Variants in MTOR observed in about 807,000 individuals in gnomAD.
The protein encoded by MTOR is mechanistic target of rapamycin kinase, also known as serine/threonine-protein kinase mTOR.
MTOR carries 70 observed loss-of-function variants against 319.8 expected under a neutral mutation model. The ratio of observed to expected loss-of-function variants is 0.22; its 90% CI spans 0.18 to 0.27. The LOEUF is 0.27. Ranked by LOEUF, MTOR falls within the 10% of genes least tolerant of loss-of-function variation. The pLI is 1.00. For synonymous variants in MTOR, 1,183 were observed against 1,211.4 expected, an observed-to-expected ratio of 0.98 and a Z score of 0.49; for missense variants, 1,890 against 3,274.4, an observed-to-expected ratio of 0.58 and a Z score of 10.32.
At chr1:11,119,951 C>T (rs77301647) in intron 49 of MTOR, among the ~76,000 whole-genome samples, 14,618 of 150,862 alleles carry the variant, frequency 0.097, 1,205 homozygotes, top group African/African-American at 0.2. Flanking sequence ...TGGTGTAGGC[C>T]GGGCGTGGTG....
In MTOR at chr1:11,128,727, C is replaced by G; in HGVS notation, c.5811+128G>C. Reference sequence around the variant, plus strand: ...AAATATGGACACTTGACACTGGGACCGAGCCCTACTTCCTTAGCACTGTAT... The same window carrying G: ...AAATATGGACACTTGACACTGGGACGGAGCCCTACTTCCTTAGCACTGTAT... On this transcript the variant is annotated intron_variant, in intron 41 of 57. Coordinates refer to ENST00000361445, the MANE Select transcript of MTOR (RefSeq NM_004958.4). The surrounding 1 kb of genome is among the most constrained non-coding windows in gnomAD (Gnocchi z 5.3). The G allele has an allele frequency of 2.0e-6, 2 of 1,011,402 alleles. No homozygotes were observed. The highest frequency in any genetic ancestry group is 1.5e-5 in the South Asian group (1 of 67,306). 62.7% of individuals were successfully genotyped at this position (1,011,402 alleles called of 1,614,324 possible). A position where few individuals can be genotyped will look rare whatever the true frequency, so the allele number is the denominator to read the frequency against.
Position 11,127,306 on chromosome 1 carries a change from C to G in MTOR, c.6217-162G>C, listed in dbSNP as rs1243826310. Among the ~76,000 whole-genome samples the G allele has an allele frequency of 6.6e-6, 1 of 152,182 alleles. No homozygotes were observed. The highest frequency in any genetic ancestry group is 1.5e-5 in the Non-Finnish European group (1 of 68,040). On this transcript the variant is annotated intron_variant, in intron 44 of 57. Coordinates refer to ENST00000361445, the MANE Select transcript of MTOR (RefSeq NM_004958.4). This position sits in a 1 kb window ranked among gnomAD's most constrained non-coding sequence, Gnocchi z 5.5. ...AAGAGCATAGGTGCAGGCCTCCAACCCTGGAGCTTCCAAACCAGCAGCATG... is the reference window on the plus strand; with the variant it reads ...AAGAGCATAGGTGCAGGCCTCCAACGCTGGAGCTTCCAAACCAGCAGCATG...
At chr1:11,192,832 C>T (rs1406015382) in intron 28 of MTOR, among the ~76,000 whole-genome samples, 2 of 151,862 alleles carry the variant, frequency 1.3e-5, no homozygotes, top group Non-Finnish European at 2.9e-5. Flanking sequence ...TCAGTTTATG[C>T]CCTGCACTCC....
At position 11,240,479 on chromosome 1, in the gene MTOR, T is replaced by C. The variant is rs1647860234; in HGVS notation, c.1610A>G (p.Asp537Gly). The change falls in exon 11 of 58, where the codon GAT becomes GGT. Residue 537 changes from aspartate to glycine, a missense_variant. Transcript: ENST00000361445. ...CAGGGACAGCATTTTCAGTAGCCCATCTTGAATGTCCTTCTTTAGCTGTGG... is the reference window on the plus strand; with the variant it reads ...CAGGGACAGCATTTTCAGTAGCCCACCTTGAATGTCCTTCTTTAGCTGTGG... ...QIPQLKKDIQ[D>G]GLLKMLSLVL... The C allele has an allele frequency of 6.2e-7, 1 of 1,614,178 alleles. No homozygotes were observed. The highest frequency in any genetic ancestry group is 8.5e-7 in the Non-Finnish European group (1 of 1,180,042).
At chr1:11,124,014 CT>C (rs1642684761) in intron 47 of MTOR, among the ~76,000 whole-genome samples, 1 of 152,206 alleles carries the variant, frequency 6.6e-6, no homozygotes, top group Non-Finnish European at 1.5e-5. Context: ...TCTCGAACTC[CT>C]GACCTCAAGT....
rs775796479 is a variant in MTOR, at chr1:11,240,503, G to A, written c.1586C>T (p.Pro529Leu). The A allele has an allele frequency of 1.9e-6, 3 of 1,614,188 alleles. No individual in the cohort carries two copies. Among genetic ancestry groups the A allele is most frequent in the Non-Finnish European group, 1.7e-6 (2 of 1,180,038 alleles). The part of the protein sequence containing the change: ...AVLYDLSRQI[P>L]QLKKDIQDGL... ...ATCTTGAATGTCCTTCTTTAGCTGTGGAATCTGACGGCTCAGGTCGTAGAG... is the reference window on the plus strand; with the variant it reads ...ATCTTGAATGTCCTTCTTTAGCTGTAGAATCTGACGGCTCAGGTCGTAGAG... The change falls in exon 11 of 58, where the codon CCA becomes CTA. Residue 529 changes from proline to leucine, a missense_variant. Coordinates refer to ENST00000361445, the MANE Select transcript of MTOR (RefSeq NM_004958.4).
chr1:11,213,625 C>T, intron 20 of MTOR, 59 bp from the exon 21 acceptor site: 4 of 1,544,538 alleles, frequency 2.6e-6, no homozygotes, highest in Non-Finnish European at 3.5e-6. Flanking sequence ...GATATATGAA[C>T]AAAGGAATCA....
chr1:11,161,903 C>G (rs1644488812), intron 29 of MTOR, among the ~76,000 whole-genome samples: 1 of 152,212 alleles, frequency 6.6e-6, no homozygotes, highest in South Asian at 2.1e-4. Flanking sequence ...GAACGCAGCT[C>G]TTTGCCAGCA....
rs2100855128 is a variant in MTOR at position 11,228,749 on chromosome 1, T to G, written c.2949A>C (p.Gly983=). 1 of 1,613,766 alleles carries G rather than the reference T, an allele frequency of 6.2e-7. No individual in the cohort carries two copies. Among genetic ancestry groups the G allele is most frequent in the Admixed American group, 1.7e-5 (1 of 59,968 alleles). Residue 983 remains glycine (G), a synonymous_variant, in exon 19 of 58, where the codon GGA becomes GGC. Transcript: ENST00000361445. The part of the protein sequence containing the change: ...QAITFIFKSL[G]LKCVQFLPQV... ...GGGGCAGGAACTGCACACATTTGAG[T>G]CCCAGGGACTTGAAGATGAAGGTGA...
At chr1:11,159,722 G>A (rs1644417334) in intron 29 of MTOR, among the ~76,000 whole-genome samples, 1 of 151,562 alleles carries the variant, frequency 6.6e-6, no homozygotes, top group African/African-American at 2.4e-5. Flanking sequence ...TAGCCCTTCT[G>A]TGAGGCAAAA....
At chr1:11,125,177 TG>T (rs1380721447) in intron 46 of MTOR, among the ~76,000 whole-genome samples, 1 of 152,160 alleles carries the variant, frequency 6.6e-6, no homozygotes, top group Admixed American at 6.5e-5. Flanking sequence ...TTCTGGAGTG[TG>T]GGGGTGGGTG....
intron 28 of MTOR, among the ~76,000 whole-genome samples, chr1:11,176,743 G>A (rs1181572493): frequency 1.3e-5 from 2 of 152,162 alleles, no homozygotes; most frequent in Non-Finnish European, 2.9e-5. Flanking sequence ...AACTGCTTGA[G>A]ATTCTCCTGT....
intron 53 of MTOR, among the ~76,000 whole-genome samples, chr1:11,113,907 T>C (rs995843833): frequency 5.3e-5 from 8 of 152,184 alleles, no homozygotes; most frequent in Admixed American, 5.2e-4. Flanking sequence ...TCCATGCTGT[T>C]CTCGTGATAG....
chr1:11,130,622 G>GGTGGTGGCAGTGGCGGCC lies in MTOR; in HGVS notation c.5502_5519dup (p.Ala1835_Thr1840dup), dbSNP rs770515802. ...TGTTGCTGCCCTCGGTGCTGGCAGT[G>GGTGGTGGCAGTGGCGGCC]GTGGTGGCAGTGGCGGCCGTGGTGG... On this transcript the variant is annotated inframe_insertion, in exon 39 of 58. Coordinates refer to ENST00000361445, the MANE Select transcript of MTOR (RefSeq NM_004958.4). The GGTGGTGGCAGTGGCGGCC allele has an allele frequency of 1.6e-4, 251 of 1,613,782 alleles. 1 individual carries two copies. The highest frequency in any genetic ancestry group is 2.0e-4 in the Non-Finnish European group (241 of 1,179,778).
chr1:11,143,656 G>A (rs1002213695), intron 34 of MTOR, among the ~76,000 whole-genome samples: 2 of 152,188 alleles, frequency 1.3e-5, no homozygotes, highest in African/African-American at 2.4e-5. Context: ...TTCCTAGGCA[G>A]GAATGTGTTT....
chr1:11,156,153 A>G (rs980496521), intron 30 of MTOR, among the ~76,000 whole-genome samples: 8 of 152,092 alleles, frequency 5.3e-5, no homozygotes, highest in South Asian at 4.2e-4. Context: ...ACCACGTCCA[A>G]CTAATTGTTT....
chr1:11,243,093 A>G (rs761207320), intron 9 of MTOR, 21 bp downstream of exon 9: 1 of 1,612,708 alleles, frequency 6.2e-7, no homozygotes, highest in Non-Finnish European at 8.5e-7. Context: ...TGGAAGGTGA[A>G]ATCATAACAG....
rs1206619299 is a variant in MTOR at position 11,193,603 on chromosome 1, A to G, written c.4253+5655T>C. On this transcript the variant is annotated intron_variant, in intron 28 of 57. Coordinates refer to ENST00000361445, the MANE Select transcript of MTOR (RefSeq NM_004958.4). ...AGGTGTTCTGTGACATGGAGACTTC[A>G]GGCGGAGGCTGGACCATCATCCAGA... 3 of 1,602,642 alleles carry G rather than the reference A, an allele frequency of 1.9e-6. No homozygotes were observed. In the African/African-American group the frequency reaches 4.0e-5, roughly 21 times the overall value.
intron 8 of MTOR, among the ~76,000 whole-genome samples, chr1:11,247,234 G>A (rs933689384): frequency 6.6e-6 from 1 of 152,202 alleles, no homozygotes; most frequent in East Asian, 1.9e-4. Context: ...GCCTGCAAGT[G>A]GTGAGGCAGC....
Sources: gnomAD v4.1 joint callset for allele counts (sites outside exome capture counted in the v4.1 genomes callset) on GRCh38, gnomAD v4.1.1 for gene constraint, Gnocchi (gnomAD v3.1) non-coding constraint, MANE v1.5 for transcripts, NCBI Gene and HGNC (gene_info 2026-07-23, HGNC 2026-07-21) for gene names.